Variants in PDE11A observed in about 807,000 individuals in gnomAD.
PDE11A encodes dual 3',5'-cyclic-AMP and -GMP phosphodiesterase 11A.
In PDE11A, 100 loss-of-function variants were observed where a neutral mutation model predicts 100.5. The observed-to-expected ratio is 1.00, with a 90% CI of 0.85 to 1.18. PDE11A has a LOEUF of 1.18. Ranked by LOEUF, PDE11A falls within the 50% of genes most tolerant of loss-of-function variation. The probability of loss-of-function intolerance (pLI) is 0.00; values close to 1 mark genes in which losing one functional copy is unlikely to be tolerated. For missense variants in PDE11A, 1,141 were observed against 1,152.6 expected, an observed-to-expected ratio of 0.99 and a Z score of 0.15; for synonymous variants, 381 against 420.8, an observed-to-expected ratio of 0.91 and a Z score of 1.16.
chr2:177,966,266 TGGG>T (rs1453752533), intron 2 of PDE11A, among the ~76,000 whole-genome samples: 92 of 152,308 alleles, frequency 6.0e-4, no homozygotes, highest in South Asian at 2.1e-3. Context: ...GCACAGAGTA[TGGG>T]ATTTTCTAGG....
chr2:177,640,773 C>T (rs1003870713), intron 19 of PDE11A, among the ~76,000 whole-genome samples: 3 of 152,186 alleles, frequency 2.0e-5, no homozygotes, highest in Non-Finnish European at 2.9e-5. Context: ...GGACTGTTTA[C>T]AACTGAATTC....
chr2:178,099,985 C>G (rs2087542691), intron 2 of PDE11A, among the ~76,000 whole-genome samples: 1 of 152,124 alleles, frequency 6.6e-6, no homozygotes, highest in Non-Finnish European at 1.5e-5. Context: ...AGACATTATG[C>G]TAAGTGAAAT....
At chr2:178,012,700 T>C (rs2086286509) in intron 2 of PDE11A, among the ~76,000 whole-genome samples, 1 of 152,128 alleles carries the variant, frequency 6.6e-6, no homozygotes, top group Non-Finnish European at 1.5e-5. Flanking sequence ...TTAAGAAAAG[T>C]CCAGAAAACA....
intron 9 of PDE11A, among the ~76,000 whole-genome samples, chr2:177,798,176 A>G (rs1285210808): frequency 6.6e-6 from 1 of 152,166 alleles, no homozygotes; most frequent in Non-Finnish European, 1.5e-5. Context: ...TGTATAGCTC[A>G]CTGCTACCTG....
chr2:177,658,352 C>T (rs371587440), intron 19 of PDE11A, among the ~76,000 whole-genome samples: 2 of 152,164 alleles, frequency 1.3e-5, no homozygotes, highest in South Asian at 2.1e-4. Flanking sequence ...TACTCCCCAT[C>T]ACCAGGAAAA....
Position 178,054,387 on chromosome 2 carries a change from T to G in PDE11A, c.912+17139A>C, listed in dbSNP as rs13419130. ...GACTTAAATGTTTGACCTAAAACCA[T>G]AAAAACCCTAGAAGAAAACCTAGGC... On this transcript the variant is annotated intron_variant, in intron 1 of 19. Transcript: ENST00000286063. Among the ~76,000 whole-genome samples the G allele has an allele frequency of 8.3e-3, 1,265 of 152,190 alleles. 21 individuals are homozygous for G. The highest frequency in any genetic ancestry group is 0.03 in the African/African-American group (1,229 of 41,508).
At chr2:178,051,751 C>G (rs941148606) in intron 1 of PDE11A, among the ~76,000 whole-genome samples, 2 of 152,040 alleles carry the variant, frequency 1.3e-5, no homozygotes, top group African/African-American at 4.8e-5. Context: ...CAACAAAGAT[C>G]AGAAGAGACA....
intron 2 of PDE11A, among the ~76,000 whole-genome samples, chr2:177,968,197 G>A (rs1413645809): frequency 6.6e-6 from 1 of 152,122 alleles, no homozygotes; most frequent in East Asian, 1.9e-4. Flanking sequence ...AAAAAACAGA[G>A]ACTGTATTTA....
chr2:177,929,715 GA>G (rs1310448945), intron 2 of PDE11A, among the ~76,000 whole-genome samples: 2 of 152,120 alleles, frequency 1.3e-5, no homozygotes, highest in Non-Finnish European at 1.5e-5. Flanking sequence ...TTTTGTAGTT[GA>G]ATAAATTCCA....
At chr2:177,639,600 A>G (rs1216352667) in intron 19 of PDE11A, among the ~76,000 whole-genome samples, 1 of 152,214 alleles carries the variant, frequency 6.6e-6, no homozygotes, top group Non-Finnish European at 1.5e-5. Context: ...CACTTGGGAA[A>G]TGGATATATT....
At chr2:177,692,168 G>T (rs565430595) in intron 15 of PDE11A, among the ~76,000 whole-genome samples, 1 of 152,094 alleles carries the variant, frequency 6.6e-6, no homozygotes, top group Non-Finnish European at 1.5e-5. Flanking sequence ...TATATATAAA[G>T]GTCCTAAGTA....
chr2:177,960,481 T>C (rs571947987), intron 2 of PDE11A, among the ~76,000 whole-genome samples: 12 of 152,238 alleles, frequency 7.9e-5, no homozygotes, highest in Non-Finnish European at 1.6e-4. Flanking sequence ...TCATGTCTAC[T>C]TTTTTATAGC....
At chr2:177,921,257 A>T (rs2695733) in intron 2 of PDE11A, among the ~76,000 whole-genome samples, 113,805 of 151,158 alleles carry the variant, frequency 0.75, 43,208 homozygotes, top group Admixed American at 0.8. Context: ...GTAACTATAA[A>T]TTTTAATATT....
chr2:177,658,477 C>T (rs1183669875), intron 19 of PDE11A, among the ~76,000 whole-genome samples: 2 of 151,492 alleles, frequency 1.3e-5, no homozygotes, highest in East Asian at 3.9e-4. Flanking sequence ...GCCTCTCCTC[C>T]CTTCCCCTCT....
At chr2:177,947,992 T>C (rs1021795857) in intron 2 of PDE11A, among the ~76,000 whole-genome samples, 2 of 151,796 alleles carry the variant, frequency 1.3e-5, no homozygotes, top group Non-Finnish European at 1.5e-5. Flanking sequence ...ATATAGATCA[T>C]GATAGATGGT....
At position 177,775,233 on chromosome 2, in the gene PDE11A, C is replaced by T. The variant is rs1381075439; in HGVS notation, c.1738-5860G>A. ...GATAATAAGTATGTGTTGTTTTAAT[C>T]CACTAAGATCGTGGTAATTCGTTAC... On this transcript the variant is annotated intron_variant, in intron 9 of 19. Coordinates refer to ENST00000286063, the MANE Select transcript of PDE11A (RefSeq NM_016953.4). Among the ~76,000 whole-genome samples the T allele has an allele frequency of 2.6e-5, 4 of 152,262 alleles. No homozygotes were observed. In the East Asian group the frequency reaches 7.7e-4, roughly 29 times the overall value.
intron 5 of PDE11A, among the ~76,000 whole-genome samples, chr2:177,853,945 T>C (rs1446379060): frequency 6.7e-6 from 1 of 148,372 alleles, no homozygotes; most frequent in Non-Finnish European, 1.5e-5. Context: ...TGTGTATATA[T>C]ATCTATATAT....
intron 15 of PDE11A, 103 bp downstream of exon 15, chr2:177,697,229 T>G: frequency 1.4e-6 from 1 of 738,702 alleles, no homozygotes; most frequent in East Asian, 2.6e-5. Context: ...GGTTTACACA[T>G]TGATATCAAT....
At chr2:177,918,458 G>T (rs1364938579) in intron 2 of PDE11A, among the ~76,000 whole-genome samples, 1 of 152,092 alleles carries the variant, frequency 6.6e-6, no homozygotes, top group Admixed American at 6.6e-5. Flanking sequence ...ACAGCAGAAG[G>T]AAAGAATTAA....
Sources: allele counts gnomAD v4.1 joint callset (sites outside exome capture counted in the v4.1 genomes callset), GRCh38; gene constraint gnomAD v4.1.1; transcripts MANE v1.5; gene names NCBI Gene and HGNC (gene_info 2026-07-23, HGNC 2026-07-21).